RARB: variants seen among roughly 807,000 people sequenced by gnomAD.
RARB encodes the protein HBV-activated protein.
A neutral mutation model predicts 51.9 loss-of-function variants in RARB; 17 were observed. The observed-to-expected ratio is 0.33, with a 90% CI of 0.22 to 0.49. The LOEUF is 0.49. Ranked by LOEUF, RARB falls within the 20% of genes least tolerant of loss-of-function variation. The pLI is 0.99. For synonymous variants in RARB, 215 were observed against 195.4 expected, an observed-to-expected ratio of 1.10 and a Z score of -0.84; for missense variants, 369 against 550.8, an observed-to-expected ratio of 0.67 and a Z score of 3.30.
intron 5 of RARB, among the ~76,000 whole-genome samples, chr3:25,363,247 G>A (rs1706008702): frequency 6.6e-6 from 1 of 152,116 alleles, no homozygotes; most frequent in East Asian, 1.9e-4. Context: ...GTTAGAGAAG[G>A]AACGTAGGCT....
chr3:25,344,742 T>C (rs1440421383), intron 5 of RARB, among the ~76,000 whole-genome samples: 1 of 152,214 alleles, frequency 6.6e-6, no homozygotes, highest in Admixed American at 6.5e-5. Flanking sequence ...CAGTTTTTAT[T>C]TGGTGTGTCT....
chr3:24,894,906 AAGG>A (rs1703448419), intron 2 of RARB, among the ~76,000 whole-genome samples: 1 of 152,202 alleles, frequency 6.6e-6, no homozygotes, highest in African/African-American at 2.4e-5. Flanking sequence ...TATGGGTTAA[AAGG>A]AGAGTCAGAT....
chr3:25,346,007 C>T lies in RARB; in HGVS notation c.179-115186C>T, dbSNP rs189702837. 41 of 470,400 alleles carry T rather than the reference C, an allele frequency of 8.7e-5. 1 individual carries two copies. In the East Asian group the frequency reaches 5.1e-3, roughly 59 times the overall value. 29.1% of individuals were successfully genotyped at this position (470,400 alleles called of 1,614,324 possible). A position where few individuals can be genotyped will look rare whatever the true frequency, so the allele number is the denominator to read the frequency against. ...GCTCCGATGAGTAGTTCTTCTGACC[C>T]GGGCTGCGGTTGACTGATCGCCGCT... On this transcript the variant is annotated intron_variant, in intron 5 of 11. Transcript: ENST00000383772.
At chr3:25,307,585 T>C (rs1244428751) in intron 5 of RARB, among the ~76,000 whole-genome samples, 4 of 152,192 alleles carry the variant, frequency 2.6e-5, no homozygotes, top group Non-Finnish European at 5.9e-5. Context: ...CTCCTTTGTA[T>C]TTTCAAGGTA....
rs151128879 is a variant in RARB, at chr3:25,574,287, A to AC, written c.609+4371dup. 2.5e-3 allele frequency among the ~76,000 whole-genome samples: 380 copies of AC among 152,210 alleles called. 3 individuals are homozygous for AC. The highest frequency in any genetic ancestry group is 8.8e-3 in the African/African-American group (367 of 41,522). Reference sequence around the variant, plus strand: ...TTTGGAAAGTTACATCATCATTTGCACCTCAGCTCCTTCATCTGTATAATG... The same window carrying AC: ...TTTGGAAAGTTACATCATCATTTGCACCCTCAGCTCCTTCATCTGTATAATG... On this transcript the variant is annotated intron_variant, in intron 4 of 7. Transcript: ENST00000330688.
intron 5 of RARB, among the ~76,000 whole-genome samples, chr3:25,208,650 A>G (rs1381696798): frequency 6.6e-6 from 1 of 151,816 alleles, no homozygotes; most frequent in African/African-American, 2.4e-5. Context: ...TGCACCATAC[A>G]TTTGGCCCAG....
chr3:25,523,470 A>C (rs976441869), intron 3 of RARB, among the ~76,000 whole-genome samples: 1 of 152,222 alleles, frequency 6.6e-6, no homozygotes, highest in African/African-American at 2.4e-5. Context: ...GATTTATAGA[A>C]GTAAAATGAT....
chr3:25,541,240 A>C (rs923195684), intron 3 of RARB, among the ~76,000 whole-genome samples: 2 of 152,142 alleles, frequency 1.3e-5, no homozygotes, highest in African/African-American at 4.8e-5. Flanking sequence ...AGTGGCCCTG[A>C]ATCCCTCCTC....
chr3:24,910,207 C>CAATTGTGAATTGAAAAA (rs1288274985), intron 2 of RARB, among the ~76,000 whole-genome samples: 2 of 152,088 alleles, frequency 1.3e-5, no homozygotes, highest in East Asian at 3.9e-4. Context: ...AAAAATTGTT[C>CAATTGTGAATTGAAAAA]TTCCTAAGCC....
intron 5 of RARB, among the ~76,000 whole-genome samples, chr3:25,390,736 G>A (rs1706928747): frequency 6.6e-6 from 1 of 151,904 alleles, no homozygotes; most frequent in African/African-American, 2.4e-5. Context: ...TACTCTTTTG[G>A]GATATTTCAT....
intron 2 of RARB, among the ~76,000 whole-genome samples, chr3:25,040,578 C>G (rs372924259): frequency 2.0e-5 from 3 of 152,168 alleles, no homozygotes; most frequent in African/African-American, 7.2e-5. Flanking sequence ...ACTAAAAATA[C>G]AAAAATTATC....
intron 2 of RARB, chr3:25,462,293 T>G (rs1695226405): frequency 6.6e-6 from 1 of 151,804 alleles, no homozygotes; most frequent in South Asian, 2.1e-4. Context: ...TGAAAGAGCT[T>G]CTTCTTTTTT....
At chr3:25,446,646 A>G (rs1448204842) in intron 1 of RARB, among the ~76,000 whole-genome samples, 3 of 151,762 alleles carry the variant, frequency 2.0e-5, no homozygotes, top group African/African-American at 7.3e-5. Context: ...TACTAAAAAT[A>G]CAAAAAATTA....
intron 5 of RARB, among the ~76,000 whole-genome samples, chr3:25,386,929 C>T (rs1235146453): frequency 6.6e-6 from 1 of 152,172 alleles, no homozygotes; most frequent in African/African-American, 2.4e-5. Flanking sequence ...ATTCTGTGGG[C>T]GTAGGCAATT....
At chr3:25,077,428 C>G (rs946697791) in intron 3 of RARB, among the ~76,000 whole-genome samples, 2 of 152,108 alleles carry the variant, frequency 1.3e-5, no homozygotes, top group Non-Finnish European at 2.9e-5. Context: ...TTAATTTTAT[C>G]TAGTCTAAAA....
chr3:25,114,698 G>C (rs1699657080), intron 3 of RARB, among the ~76,000 whole-genome samples: 1 of 152,130 alleles, frequency 6.6e-6, no homozygotes, highest in Admixed American at 6.6e-5. Flanking sequence ...AACCATGTAA[G>C]GATCCTTGGA....
chr3:25,514,509 A>T (rs915539779), intron 3 of RARB, among the ~76,000 whole-genome samples: 16 of 139,942 alleles, frequency 1.1e-4, no homozygotes, highest in African/African-American at 4.0e-4. Flanking sequence ...CTCCATGATT[A>T]AAAAAAAAAA....
intron 5 of RARB, among the ~76,000 whole-genome samples, chr3:25,325,319 T>C (rs944425575): frequency 6.6e-6 from 1 of 152,110 alleles, no homozygotes; most frequent in African/African-American, 2.4e-5. Context: ...TTCATGGCCA[T>C]CTTGGTTTTG....
intron 3 of RARB, among the ~76,000 whole-genome samples, chr3:25,506,796 G>T (rs912835036): frequency 2.0e-5 from 3 of 152,270 alleles, no homozygotes; most frequent in Non-Finnish European, 4.4e-5. Flanking sequence ...TCTGCTTTAA[G>T]TGGCTCATCC....
Sources: allele counts gnomAD v4.1 joint callset (sites outside exome capture counted in the v4.1 genomes callset), GRCh38; gene constraint gnomAD v4.1.1; transcripts MANE v1.5; gene names NCBI Gene and HGNC (gene_info 2026-07-23, HGNC 2026-07-21).